The following SENP6 variants were observed in gnomAD, a reference collection of about 807,000 sequenced individuals.
SENP6 encodes the protein sentrin-specific protease 6.
Under a neutral mutation model 134.5 loss-of-function variants are expected in SENP6, and 41 were observed. The ratio of observed to expected loss-of-function variants is 0.30; its 90% CI spans 0.24 to 0.40. The LOEUF (loss-of-function observed/expected upper bound fraction) is 0.40, where lower values mean the gene tolerates loss of function less well. Among genes scored for constraint, SENP6 ranks in the 10% least tolerant of loss-of-function variants. The pLI, the probability that SENP6 is intolerant of heterozygous loss-of-function variation, is 1.00. For synonymous variants in SENP6, 395 were observed against 429.8 expected, an observed-to-expected ratio of 0.92 and a Z score of 1.00; for missense variants, 1,248 against 1,312.5, an observed-to-expected ratio of 0.95 and a Z score of 0.76.
At chr6:75,604,259 G>A (rs888104031) in intron 1 of SENP6, among the ~76,000 whole-genome samples, 1 of 152,162 alleles carries the variant, frequency 6.6e-6, no homozygotes, top group Non-Finnish European at 1.5e-5. Flanking sequence ...TGAATGTATA[G>A]GTATGATAAA....
At chr6:75,669,002 A>C (rs1371087516) in intron 10 of SENP6, among the ~76,000 whole-genome samples, 2 of 152,208 alleles carry the variant, frequency 1.3e-5, no homozygotes, top group African/African-American at 4.8e-5. Context: ...ATAACTCTAC[A>C]GCTAAAAACA....
intron 1 of SENP6, among the ~76,000 whole-genome samples, chr6:75,612,888 C>G (rs1352856369): frequency 6.6e-6 from 1 of 152,054 alleles, no homozygotes; most frequent in African/African-American, 2.4e-5. Context: ...CCAAAACAGG[C>G]AGATCACTTG....
At chr6:75,633,498 C>A in intron 3 of SENP6, 83 bp from the exon 4 acceptor site, 1 of 1,204,854 alleles carries the variant, frequency 8.3e-7, no homozygotes, top group South Asian at 1.6e-5. Flanking sequence ...GTTTTTACTA[C>A]TTTTAAATGG....
In SENP6 at chr6:75,716,168, T is replaced by C. The variant is rs1776010782; in HGVS notation, c.*574T>C. 6.6e-6 allele frequency: 1 copy of C among 151,974 alleles called. No homozygotes were observed. Among genetic ancestry groups the C allele is most frequent in the African/African-American group, 2.4e-5 (1 of 41,448 alleles). 9.4% of individuals were successfully genotyped at this position (151,974 alleles called of 1,614,324 possible). ...GTGAACCCAAGAAATGTAATAAATA[T>C]TTGTAATTTTACACAAATATTTAAG... On this transcript the variant is annotated 3_prime_UTR_variant, in exon 24 of 24. Coordinates refer to ENST00000447266, the MANE Select transcript of SENP6 (RefSeq NM_015571.4).
chr6:75,618,628 C>G (rs914274947), intron 1 of SENP6, among the ~76,000 whole-genome samples: 6 of 152,016 alleles, frequency 3.9e-5, no homozygotes, highest in African/African-American at 1.2e-4. Flanking sequence ...GCTTCTAGAC[C>G]CTCTAAGAAA....
intron 18 of SENP6, among the ~76,000 whole-genome samples, chr6:75,698,905 G>A (rs901241902): frequency 2.6e-5 from 4 of 151,828 alleles, no homozygotes; most frequent in African/African-American, 9.7e-5. Context: ...CAGCTACTCA[G>A]GAGGCTGAGG....
intron 18 of SENP6, among the ~76,000 whole-genome samples, chr6:75,701,953 T>C (rs1261148010): frequency 6.6e-6 from 1 of 151,994 alleles, no homozygotes; most frequent in Non-Finnish European, 1.5e-5. Context: ...AGTTTAATCT[T>C]TAAGATGGAT....
intron 7 of SENP6, among the ~76,000 whole-genome samples, chr6:75,653,729 G>A (rs1231066830): frequency 6.6e-6 from 1 of 151,606 alleles, no homozygotes; most frequent in Non-Finnish European, 1.5e-5. Context: ...TTAAAGTTAG[G>A]TATGATTATT....
chr6:75,652,339 T>C (rs1770932732), intron 7 of SENP6, among the ~76,000 whole-genome samples: 1 of 151,874 alleles, frequency 6.6e-6, no homozygotes, highest in Non-Finnish European at 1.5e-5. Context: ...GTTTCTATAA[T>C]CTTTTTTTTT....
chr6:75,622,200 A>C (rs1164886195), intron 2 of SENP6, among the ~76,000 whole-genome samples: 1 of 152,156 alleles, frequency 6.6e-6, no homozygotes, highest in Non-Finnish European at 1.5e-5. Flanking sequence ...GTTGTGTAAA[A>C]ATTTTAAATG....
At chr6:75,636,738 G>A (rs1057189816) in intron 5 of SENP6, among the ~76,000 whole-genome samples, 6 of 152,116 alleles carry the variant, frequency 3.9e-5, no homozygotes, top group African/African-American at 1.2e-4. Flanking sequence ...TAGGAATCAC[G>A]TCTTCAAAGG....
intron 14 of SENP6, 111 bp from the exon 15 acceptor site, chr6:75,678,472 T>A: frequency 3.2e-6 from 2 of 629,932 alleles, no homozygotes; most frequent in South Asian, 2.1e-5. Context: ...ACTTTTTAGT[T>A]CCACATTTTT....
chr6:75,645,822 A>C (rs1770394388), intron 6 of SENP6, among the ~76,000 whole-genome samples: 1 of 152,168 alleles, frequency 6.6e-6, no homozygotes, highest in Non-Finnish European at 1.5e-5. Flanking sequence ...CCCTGCTTTT[A>C]TAGGAAAAAA....
chr6:75,615,959 C>G (rs9359133), intron 1 of SENP6, among the ~76,000 whole-genome samples: 17,193 of 152,090 alleles, frequency 0.11, 995 homozygotes, highest in African/African-American at 0.14. Flanking sequence ...TAGGTTTTTG[C>G]TTTCTTTGGT....
intron 11 of SENP6, among the ~76,000 whole-genome samples, chr6:75,674,479 G>A (rs775762412): frequency 1.3e-5 from 2 of 151,958 alleles, no homozygotes; most frequent in African/African-American, 4.8e-5. Context: ...GCATTACCAC[G>A]CCTGGCTAAT....
intron 17 of SENP6, among the ~76,000 whole-genome samples, chr6:75,696,323 C>G (rs558426945): frequency 6.6e-6 from 1 of 152,170 alleles, no homozygotes; most frequent in African/African-American, 2.4e-5. Context: ...TTTAAAATTA[C>G]TTAGATACTT....
chr6:75,675,346 A>G (rs1210847476), intron 11 of SENP6, 89 bp from the exon 12 acceptor site: 10 of 741,416 alleles, frequency 1.3e-5, no homozygotes, highest in South Asian at 1.2e-4. Flanking sequence ...AACGAGTAAT[A>G]TAAGAAACAT....
intron 16 of SENP6, among the ~76,000 whole-genome samples, chr6:75,687,425 C>T (rs1446732375): frequency 6.6e-6 from 1 of 152,214 alleles, no homozygotes; most frequent in Admixed American, 6.5e-5. Context: ...ATTCTCCGTC[C>T]AGCTTTGTTC....
chr6:75,690,349 AT>A (rs1381581255), intron 16 of SENP6, among the ~76,000 whole-genome samples: 2 of 152,248 alleles, frequency 1.3e-5, no homozygotes, highest in Non-Finnish European at 2.9e-5. Flanking sequence ...TGCAATATGT[AT>A]ACATTTCCTT....
Sources: gnomAD v4.1 joint callset for allele counts (sites outside exome capture counted in the v4.1 genomes callset) on GRCh38, gnomAD v4.1.1 for gene constraint, MANE v1.5 for transcripts, NCBI Gene and HGNC (gene_info 2026-07-23, HGNC 2026-07-21) for gene names.